DENND2A: variants seen among roughly 807,000 people sequenced by gnomAD.
The protein encoded by DENND2A is DENN domain containing 2A.
In DENND2A, 53 loss-of-function variants were observed where a neutral mutation model predicts 105.3. The ratio of observed to expected loss-of-function variants is 0.50; its 90% CI spans 0.40 to 0.63. The LOEUF (loss-of-function observed/expected upper bound fraction) is 0.63. Among genes scored for constraint, DENND2A ranks in the 30% least tolerant of loss-of-function variants. The pLI, the probability that DENND2A is intolerant of heterozygous loss-of-function variation, is 0.00. For missense variants in DENND2A, 1,138 were observed against 1,279.6 expected, an observed-to-expected ratio of 0.89 and a Z score of 1.69; for synonymous variants, 522 against 508.4, an observed-to-expected ratio of 1.03 and a Z score of -0.36.
At chr7:140,620,050 G>A (rs1800223309) in intron 1 of DENND2A, among the ~76,000 whole-genome samples, 1 of 151,676 alleles carries the variant, frequency 6.6e-6, no homozygotes, top group Non-Finnish European at 1.5e-5. Context: ...AAAAAAATTA[G>A]GCGGGCATGG....
In DENND2A at chr7:140,620,515, C is replaced by A. The variant is rs1027030934; in HGVS notation, c.-247-14709G>T. The stretch of plus-strand genomic sequence containing the variant: ...ATTTCTAACAACAACCACCCCCCCA[C>A]CAGATTTCCAAATTTTCTATTATAA... On this transcript the variant is annotated intron_variant, in intron 1 of 19. Transcript: ENST00000496613. 3.9e-5 allele frequency among the ~76,000 whole-genome samples: 6 copies of A among 152,110 alleles called. 1 individual carries two copies. Among genetic ancestry groups the A allele is most frequent in the African/African-American group, 7.2e-5 (3 of 41,410 alleles).
chr7:140,573,358 A>C (rs1798171881), intron 6 of DENND2A, among the ~76,000 whole-genome samples: 1 of 152,224 alleles, frequency 6.6e-6, no homozygotes, highest in South Asian at 2.1e-4. Context: ...GTATATTTCC[A>C]AGCCCCTGGG....
At chr7:140,632,404 G>A (rs1450101351) in intron 1 of DENND2A, among the ~76,000 whole-genome samples, 2 of 152,034 alleles carry the variant, frequency 1.3e-5, no homozygotes, top group African/African-American at 4.8e-5. Context: ...ACAGAGGGGT[G>A]GTACCAAATC....
At chr7:140,609,493 A>G (rs1799814850) in intron 1 of DENND2A, among the ~76,000 whole-genome samples, 1 of 152,216 alleles carries the variant, frequency 6.6e-6, no homozygotes, top group Non-Finnish European at 1.5e-5. Context: ...AGCCTGGGCA[A>G]CAGAGTGAGA....
At chr7:140,572,342 G>A (rs1402337132) in intron 6 of DENND2A, among the ~76,000 whole-genome samples, 1 of 151,930 alleles carries the variant, frequency 6.6e-6, no homozygotes, top group East Asian at 1.9e-4. Context: ...GGGTCACTCA[G>A]AGAAGTCCCT....
At chr7:140,553,521 C>G (rs1797227377) in intron 12 of DENND2A, among the ~76,000 whole-genome samples, 1 of 152,134 alleles carries the variant, frequency 6.6e-6, no homozygotes, top group African/African-American at 2.4e-5. Context: ...CAGCACAGAC[C>G]CTTTATGGGT....
chr7:140,535,416 G>T (rs975475795), intron 14 of DENND2A, among the ~76,000 whole-genome samples: 3 of 152,052 alleles, frequency 2.0e-5, no homozygotes, highest in Non-Finnish European at 4.4e-5. Context: ...AGTTGAAAAC[G>T]AACACAGGCT....
At chr7:140,548,993 C>T (rs916802811) in intron 12 of DENND2A, among the ~76,000 whole-genome samples, 2 of 151,770 alleles carry the variant, frequency 1.3e-5, no homozygotes, top group Non-Finnish European at 2.9e-5. Flanking sequence ...CCAAGGCTGG[C>T]GGATCACTTG....
At chr7:140,546,739 G>A (rs1796925573) in intron 13 of DENND2A, 60 bp downstream of exon 13, 2 of 1,596,726 alleles carry the variant, frequency 1.3e-6, no homozygotes, top group South Asian at 2.3e-5. Context: ...TCTGAGCACG[G>A]AGACTCGGCT....
At chr7:140,553,734 C>T (rs1335519464) in intron 12 of DENND2A, among the ~76,000 whole-genome samples, 1 of 152,220 alleles carries the variant, frequency 6.6e-6, no homozygotes, top group African/African-American at 2.4e-5. Flanking sequence ...ATCTGTTTAA[C>T]AAAGCACATC....
At chr7:140,625,064 C>T (rs1800466049) in intron 1 of DENND2A, among the ~76,000 whole-genome samples, 1 of 151,266 alleles carries the variant, frequency 6.6e-6, no homozygotes, top group South Asian at 2.1e-4. Context: ...AACACATTTG[C>T]CTTATAGCTA....
chr7:140,573,986 A>T lies in DENND2A; in HGVS notation c.1268T>A (p.Phe423Tyr), dbSNP rs1798201477. ...CCTCCTCTCTGAATTTTGTCGGAAA[A>T]AAGCAGGTTTGGACAATGACTGCTG... ...LTKQSLSKPA[F>Y]FRQNSERRNF... The change falls in exon 6 of 20, where the codon TTT (phenylalanine) becomes TAT (tyrosine). Residue 423 changes from phenylalanine to tyrosine, a missense_variant. By Grantham distance (22) the Phe-to-Tyr change is conservative. Transcript: ENST00000496613. The T allele has an allele frequency of 6.2e-7, 1 of 1,614,014 alleles. No individual in the cohort carries two copies. Among genetic ancestry groups the T allele is most frequent in the Non-Finnish European group, 8.5e-7 (1 of 1,180,036 alleles).
At chr7:140,621,111 C>T (rs936341889) in intron 1 of DENND2A, among the ~76,000 whole-genome samples, 4 of 152,172 alleles carry the variant, frequency 2.6e-5, no homozygotes, top group Non-Finnish European at 5.9e-5. Flanking sequence ...TCACTGCAGC[C>T]TCAACCTCCT....
At position 140,602,033 on chromosome 7, in the gene DENND2A, G is replaced by C. The variant is rs773941048; in HGVS notation, c.365C>G (p.Pro122Arg). ...KGAVNVGGQDPEPGQDLSQPE... is the reference protein window; with the variant it reads ...KGAVNVGGQDREPGQDLSQPE... ...CTGGCTTAGGTCTTGCCCCGGCTCT[G>C]GGTCCTGTCCCCCGACGTTCACTGC... Residue 122 changes from proline to arginine, a missense_variant, in exon 3 of 20, where the codon CCA (proline) becomes CGA (arginine). Pro to Arg is a moderately radical substitution (Grantham distance 103). This residue lies in a region of DENND2A where 511 missense variants were observed against 499.9 expected (regional missense o/e 1.02). Transcript: ENST00000496613. 1 of 1,614,152 alleles carries C rather than the reference G, an allele frequency of 6.2e-7. No individual in the cohort carries two copies. The highest frequency in any genetic ancestry group is 2.2e-5 in the East Asian group (1 of 44,868).
chr7:140,551,404 C>T (rs1413297053), intron 12 of DENND2A, among the ~76,000 whole-genome samples: 1 of 152,000 alleles, frequency 6.6e-6, no homozygotes, highest in Non-Finnish European at 1.5e-5. Context: ...GTTCTCTGGC[C>T]AGGCCTTAGG....
At chr7:140,593,936 A>C (rs1799171686) in intron 3 of DENND2A, among the ~76,000 whole-genome samples, 2 of 144,906 alleles carry the variant, frequency 1.4e-5, no homozygotes, top group Non-Finnish European at 1.5e-5. Context: ...ATGGAGTTTC[A>C]CTCTTGTTGC....
intron 3 of DENND2A, among the ~76,000 whole-genome samples, chr7:140,596,830 C>T (rs1006106192): frequency 2.0e-5 from 3 of 152,196 alleles, no homozygotes; most frequent in African/African-American, 7.2e-5. Flanking sequence ...ATGGTGCTCA[C>T]ACTTAAAGAG....
rs867416988 is a variant in DENND2A, at chr7:140,557,531, A to T, written c.1959+612T>A. 6.2e-3 allele frequency among the ~76,000 whole-genome samples: 248 copies of T among 39,696 alleles called. 6 individuals carry two copies. The highest frequency in any genetic ancestry group is 0.021 in the Middle Eastern group (1 of 48). 26.0% of individuals were successfully genotyped at this position (39,696 alleles called of 152,430 possible). On this transcript the variant is annotated intron_variant, in intron 11 of 19. Coordinates refer to ENST00000496613, the MANE Select transcript of DENND2A (RefSeq NM_015689.5). ...TTAGTATATATATATATATATATAT[A>T]TTTTTTTTTTTTTTTTTTTTTTTTT...
chr7:140,556,464 G>A (rs4726895), intron 11 of DENND2A, among the ~76,000 whole-genome samples: 78,093 of 151,366 alleles, frequency 0.52, 21,593 homozygotes, highest in East Asian at 0.84. Context: ...TCAGCCTCCC[G>A]AATAGCTGGG....
Sources: gnomAD v4.1 joint callset for allele counts (sites outside exome capture counted in the v4.1 genomes callset) on GRCh38, gnomAD v4.1.1 for gene constraint, gnomAD v4.1.1 regional missense constraint, MANE v1.5 for transcripts, NCBI Gene and HGNC (gene_info 2026-07-23, HGNC 2026-07-21) for gene names.